Variants in SPOCK3 observed in about 807,000 individuals in gnomAD.
SPOCK3 encodes the protein testican-3.
A neutral mutation model predicts 56.6 loss-of-function variants in SPOCK3; 30 were observed. That is an observed-to-expected ratio of 0.53 (90% CI 0.40 to 0.72). The LOEUF (loss-of-function observed/expected upper bound fraction) is 0.72, where lower values mean the gene tolerates loss of function less well. Ranked by LOEUF, SPOCK3 falls within the 30% of genes least tolerant of loss-of-function variation. SPOCK3 has a pLI of 0.00. For synonymous variants in SPOCK3, 196 were observed against 183.3 expected, an observed-to-expected ratio of 1.07 and a Z score of -0.56; for missense variants, 527 against 530.0, an observed-to-expected ratio of 0.99 and a Z score of 0.06.
chr4:166,850,389 A>G (rs1019995337), intron 6 of SPOCK3, among the ~76,000 whole-genome samples: 3 of 152,214 alleles, frequency 2.0e-5, no homozygotes, highest in African/African-American at 7.2e-5. Flanking sequence ...TATGCAATAA[A>G]TTTGTGATAT....
At chr4:166,804,923 G>A (rs1185014040) in intron 6 of SPOCK3, among the ~76,000 whole-genome samples, 1 of 151,774 alleles carries the variant, frequency 6.6e-6, no homozygotes, top group Non-Finnish European at 1.5e-5. Context: ...CCAAAGTCAA[G>A]TAAGTTTAAA....
At chr4:167,203,976 C>A (rs899920188) in intron 2 of SPOCK3, among the ~76,000 whole-genome samples, 2 of 151,824 alleles carry the variant, frequency 1.3e-5, no homozygotes, top group Non-Finnish European at 2.9e-5. Flanking sequence ...CATTTAATAC[C>A]CATTCTTTCC....
chr4:166,800,098 C>T (rs906843159), intron 6 of SPOCK3, among the ~76,000 whole-genome samples: 1 of 144,774 alleles, frequency 6.9e-6, no homozygotes, highest in African/African-American at 2.6e-5. Flanking sequence ...AGGAGAATGG[C>T]GTGAACCCGG....
intron 2 of SPOCK3, among the ~76,000 whole-genome samples, chr4:167,205,322 A>C (rs866252989): frequency 0.011 from 555 of 50,414 alleles, 8 homozygotes; most frequent in Non-Finnish European, 0.015. Flanking sequence ...TATTTTATAT[A>C]TATAATATAT....
rs990256701 is a variant in SPOCK3, at chr4:167,039,180, T to C, written c.235+23312A>G. 5.9e-5 allele frequency among the ~76,000 whole-genome samples: 9 copies of C among 152,300 alleles called. No homozygotes were observed. In the South Asian group the frequency reaches 8.3e-4, roughly 14 times the overall value. ...TTAACCCCAATCTCTGCTGCTGTCA[T>C]CGTGTGGCCTTGTCCTTGTGTGTCT... On this transcript the variant is annotated intron_variant, in intron 3 of 10. Transcript: ENST00000357545.
At chr4:167,226,414 T>C (rs369487630) in intron 2 of SPOCK3, among the ~76,000 whole-genome samples, 32 of 152,098 alleles carry the variant, frequency 2.1e-4, no homozygotes, top group African/African-American at 7.0e-4. Context: ...GGAAGAAAGA[T>C]TGATTAGGGA....
intron 3 of SPOCK3, among the ~76,000 whole-genome samples, chr4:167,050,850 T>C (rs1488927170): frequency 6.6e-6 from 1 of 151,960 alleles, no homozygotes; most frequent in Non-Finnish European, 1.5e-5. Context: ...AAAGTCAAAT[T>C]CAAAGAAACA....
intron 4 of SPOCK3, among the ~76,000 whole-genome samples, chr4:166,919,894 T>G (rs28408251): frequency 0.2 from 31,153 of 152,152 alleles, 3,455 homozygotes; most frequent in South Asian, 0.26. Flanking sequence ...AATATTAAAA[T>G]GCATTATTTT....
chr4:166,842,498 T>C (rs1406727344), intron 6 of SPOCK3, among the ~76,000 whole-genome samples: 1 of 152,204 alleles, frequency 6.6e-6, no homozygotes, highest in Non-Finnish European at 1.5e-5. Flanking sequence ...AGAGCACTGA[T>C]TGGTGCATTT....
intron 2 of SPOCK3, among the ~76,000 whole-genome samples, chr4:167,209,620 A>C (rs1734670384): frequency 6.6e-6 from 1 of 151,964 alleles, no homozygotes; most frequent in Admixed American, 6.6e-5. Context: ...TCATTTTCTC[A>C]CTTAAATAGC....
At chr4:167,014,467 G>A (rs1401808272) in intron 3 of SPOCK3, among the ~76,000 whole-genome samples, 1 of 151,868 alleles carries the variant, frequency 6.6e-6, no homozygotes, top group Non-Finnish European at 1.5e-5. Flanking sequence ...GCAACAAGGT[G>A]AGACTCCGTG....
chr4:167,102,922 GAA>G (rs55740507), intron 2 of SPOCK3, among the ~76,000 whole-genome samples: 904 of 62,486 alleles, frequency 0.014, 10 homozygotes, highest in African/African-American at 0.044. Context: ...ATAGCTTGCA[GAA>G]AAAAAAAAAA....
At chr4:166,868,230 G>C (rs1732063172) in intron 6 of SPOCK3, among the ~76,000 whole-genome samples, 1 of 151,322 alleles carries the variant, frequency 6.6e-6, no homozygotes, top group Non-Finnish European at 1.5e-5. Context: ...AGGATCACAT[G>C]AGACCGGGAG....
chr4:166,734,816 G>T lies in SPOCK3; in HGVS notation c.*105C>A. The T allele has an allele frequency of 1.1e-6, 1 of 929,078 alleles. No individual in the cohort carries two copies. Among genetic ancestry groups the T allele is most frequent in the Non-Finnish European group, 1.6e-6 (1 of 635,998 alleles). 57.6% of individuals were successfully genotyped at this position (929,078 alleles called of 1,614,324 possible). A position where few individuals can be genotyped will look rare whatever the true frequency, so the allele number is the denominator to read the frequency against. ...TCAAATAATTATACAAAATATATGT[G>T]AGGTTTAGAATCATTTTGTTATTGG... is the stretch of plus-strand genomic sequence containing the variant. On this transcript the variant is annotated 3_prime_UTR_variant, in exon 11 of 11. Transcript: ENST00000357545.
chr4:167,066,728 T>C (rs1286994973), intron 2 of SPOCK3, among the ~76,000 whole-genome samples: 1 of 151,908 alleles, frequency 6.6e-6, no homozygotes, highest in Non-Finnish European at 1.5e-5. Context: ...ATATTACTTA[T>C]CATATTTAGC....
At chr4:167,161,638 C>A (rs1279648698) in intron 2 of SPOCK3, among the ~76,000 whole-genome samples, 1 of 152,082 alleles carries the variant, frequency 6.6e-6, no homozygotes, top group Non-Finnish European at 1.5e-5. Flanking sequence ...TTGGAACCAA[C>A]CCAAATGTGC....
Position 166,842,465 on chromosome 4 carries a change from T to C in SPOCK3, c.589+46665A>G, listed in dbSNP as rs529316350. Among the ~76,000 whole-genome samples, 3 of 152,170 alleles carry C rather than the reference T, an allele frequency of 2.0e-5. No homozygotes were observed. The East Asian group carries it at 5.8e-4, about 29-fold the overall frequency. ...TAGCTAGACATAAAAGTTCTCCAAG[T>C]CTTCACCAGATTAACTAGACACAGA... On this transcript the variant is annotated intron_variant, in intron 6 of 10. Coordinates refer to ENST00000357545, the MANE Select transcript of SPOCK3 (RefSeq NM_001040159.2).
intron 2 of SPOCK3, among the ~76,000 whole-genome samples, chr4:167,078,163 A>G (rs1272464339): frequency 6.6e-6 from 1 of 151,936 alleles, no homozygotes; most frequent in African/African-American, 2.4e-5. Flanking sequence ...CAGAAGTACT[A>G]ACAAAAAGAT....
intron 2 of SPOCK3, among the ~76,000 whole-genome samples, chr4:167,144,726 A>AT (rs1397995882): frequency 6.7e-6 from 1 of 150,092 alleles, no homozygotes; most frequent in Non-Finnish European, 1.5e-5. Context: ...TATCTAGGAA[A>AT]AAAAAAAAAA....
Sources: gnomAD v4.1 joint callset for allele counts (sites outside exome capture counted in the v4.1 genomes callset) on GRCh38, gnomAD v4.1.1 for gene constraint, MANE v1.5 for transcripts, NCBI Gene and HGNC (gene_info 2026-07-23, HGNC 2026-07-21) for gene names.